EFCAB6: variants seen among roughly 807,000 people sequenced by gnomAD.
EFCAB6 encodes EF-hand calcium binding domain 6.
Under a neutral mutation model 169.8 loss-of-function variants are expected in EFCAB6, and 156 were observed. That is an observed-to-expected ratio of 0.92 (90% CI 0.81 to 1.05). The LOEUF (loss-of-function observed/expected upper bound fraction) is 1.05. Among genes scored for constraint, EFCAB6 ranks in the 50% least tolerant of loss-of-function variants. The probability of loss-of-function intolerance (pLI) is 0.00; values close to 1 mark genes in which losing one functional copy is unlikely to be tolerated. For synonymous variants in EFCAB6, 698 were observed against 676.4 expected, an observed-to-expected ratio of 1.03 and a Z score of -0.50; for missense variants, 1,800 against 1,829.1, an observed-to-expected ratio of 0.98 and a Z score of 0.29.
intron 17 of EFCAB6, among the ~76,000 whole-genome samples, chr22:43,640,027 A>G (rs2055690852): frequency 6.6e-6 from 1 of 152,138 alleles, no homozygotes; most frequent in Admixed American, 6.5e-5. Context: ...GAGATTTCAT[A>G]TATTTTCATT....
rs75368416 is a variant in EFCAB6 at position 43,769,627 on chromosome 22, T to C, written c.351+3265A>G. Reference sequence around the variant, plus strand: ...TTTTTTTAAGGGAAGAGAAAAGTTCTGTCTTCCTCCTCCTTTTCTATCTTT... The same window carrying C: ...TTTTTTTAAGGGAAGAGAAAAGTTCCGTCTTCCTCCTCCTTTTCTATCTTT... On this transcript the variant is annotated intron_variant, in intron 4 of 31. Coordinates refer to ENST00000262726, the MANE Select transcript of EFCAB6 (RefSeq NM_022785.4). Among the ~76,000 whole-genome samples, 397 of 152,316 alleles carry C rather than the reference T, an allele frequency of 2.6e-3. 2 individuals are homozygous for C. The highest frequency in any genetic ancestry group is 4.9e-3 in the Non-Finnish European group (332 of 68,024).
At chr22:43,638,469 C>T (rs12628972) in intron 17 of EFCAB6, among the ~76,000 whole-genome samples, 12,674 of 152,242 alleles carry the variant, frequency 0.083, 651 homozygotes, top group South Asian at 0.17. Flanking sequence ...GACTCTTCCC[C>T]AGGAGGTCAC....
intron 26 of EFCAB6, among the ~76,000 whole-genome samples, chr22:43,564,548 G>A (rs975309613): frequency 2.6e-5 from 4 of 152,168 alleles, no homozygotes; most frequent in East Asian, 1.9e-4. Flanking sequence ...CCTGTGTGGC[G>A]GGGAAAGCTC....
At chr22:43,665,552 C>A (rs183113872) in intron 17 of EFCAB6, among the ~76,000 whole-genome samples, 1 of 152,168 alleles carries the variant, frequency 6.6e-6, no homozygotes, top group African/African-American at 2.4e-5. Context: ...GACAAGGACC[C>A]GTGCCACGTA....
chr22:43,626,338 A>G lies in EFCAB6; in HGVS notation c.2465+109T>C, dbSNP rs1031300406. 3.6e-6 allele frequency: 4 copies of G among 1,105,076 alleles called. No homozygotes were observed. In the East Asian group the frequency reaches 7.7e-5, roughly 21 times the overall value. 68.5% of individuals were successfully genotyped at this position (1,105,076 alleles called of 1,614,324 possible). ...TTTCTGAACCAAGAAAAAGAAAAAA[A>G]TAATCACTCCATTCTTTGTATCCCT... On this transcript the variant is annotated intron_variant, in intron 20 of 31. Coordinates refer to ENST00000262726, the MANE Select transcript of EFCAB6 (RefSeq NM_022785.4).
chr22:43,652,721 A>G (rs1400891683), intron 17 of EFCAB6, among the ~76,000 whole-genome samples: 2 of 152,116 alleles, frequency 1.3e-5, no homozygotes, highest in Non-Finnish European at 1.5e-5. Flanking sequence ...TCTACCTGGC[A>G]TTCTAAGAGA....
At chr22:43,772,641 CA>C (rs11285899) in intron 4 of EFCAB6, among the ~76,000 whole-genome samples, 101,990 of 120,206 alleles carry the variant, frequency 0.85, 42,498 homozygotes, top group East Asian at 0.97. Context: ...AATTCTGTCT[CA>C]AAAAAAAAAA....
At chr22:43,736,082 T>C (rs954141431) in intron 6 of EFCAB6, 89 bp from the exon 7 acceptor site, 1 of 1,264,980 alleles carries the variant, frequency 7.9e-7, no homozygotes. Flanking sequence ...TTTTTAATAC[T>C]TTTTATAAAA....
chr22:43,599,734 A>G (rs1201169885), intron 23 of EFCAB6, among the ~76,000 whole-genome samples: 1 of 152,142 alleles, frequency 6.6e-6, no homozygotes, highest in East Asian at 1.9e-4. Context: ...GTAAAGTGAC[A>G]GACATCCCTA....
intron 2 of EFCAB6, among the ~76,000 whole-genome samples, chr22:43,790,568 C>G (rs1055482965): frequency 6.6e-6 from 1 of 152,138 alleles, no homozygotes; most frequent in African/African-American, 2.4e-5. Context: ...GGGAACCATG[C>G]AGTTAGGAAG....
chr22:43,810,693 C>A (rs754802656), intron 1 of EFCAB6, among the ~76,000 whole-genome samples: 1 of 152,046 alleles, frequency 6.6e-6, no homozygotes. Flanking sequence ...CCCTGGAGAG[C>A]GAAATTTACA....
chr22:43,665,936 C>T (rs913013589), intron 17 of EFCAB6, among the ~76,000 whole-genome samples: 3 of 152,212 alleles, frequency 2.0e-5, no homozygotes, highest in Non-Finnish European at 2.9e-5. Context: ...TACAGGCGTG[C>T]GTGACCACAC....
chr22:43,622,319 C>G (rs751847530), intron 20 of EFCAB6, among the ~76,000 whole-genome samples: 6 of 152,184 alleles, frequency 3.9e-5, no homozygotes, highest in Non-Finnish European at 8.8e-5. Context: ...AATCCCAGCA[C>G]TTCAGGAGGC....
chr22:43,589,600 C>T (rs1477058911), intron 24 of EFCAB6, among the ~76,000 whole-genome samples: 3 of 152,084 alleles, frequency 2.0e-5, no homozygotes, highest in African/African-American at 7.2e-5. Flanking sequence ...CCAGCCTGGC[C>T]AACGTGGTGA....
rs77007505 is a variant in EFCAB6 at position 43,787,906 on chromosome 22, T to A, written c.-7-5581A>T. 6.3e-3 allele frequency among the ~76,000 whole-genome samples: 962 copies of A among 152,318 alleles called. 14 individuals carry two copies. Among genetic ancestry groups the A allele is most frequent in the African/African-American group, 0.022 (914 of 41,572 alleles). On this transcript the variant is annotated intron_variant, in intron 2 of 31. Coordinates refer to ENST00000262726, the MANE Select transcript of EFCAB6 (RefSeq NM_022785.4). The stretch of plus-strand genomic sequence containing the variant: ...TGTGGTTCTGGCATAAGTATGCACA[T>A]ATAGATCAATGGAATAGAATTGAGA...
chr22:43,599,663 T>C (rs1323822421), intron 23 of EFCAB6, among the ~76,000 whole-genome samples: 1 of 152,142 alleles, frequency 6.6e-6, no homozygotes, highest in Non-Finnish European at 1.5e-5. Context: ...GTCTGGTTCT[T>C]TCCTTTATTC....
At chr22:43,576,572 T>C (rs756777141) in intron 25 of EFCAB6, 84 bp from the exon 26 acceptor site, 15 of 1,164,150 alleles carry the variant, frequency 1.3e-5, no homozygotes, top group Non-Finnish European at 1.6e-5. Flanking sequence ...CTGTTTCTGC[T>C]GAATGCAAAT....
chr22:43,601,474 T>C (rs2052518922), intron 22 of EFCAB6, among the ~76,000 whole-genome samples: 1 of 152,242 alleles, frequency 6.6e-6, no homozygotes, highest in South Asian at 2.1e-4. Flanking sequence ...GTTGCCAGCA[T>C]AATTCTCCCA....
chr22:43,701,468 G>A (rs2058763099), intron 10 of EFCAB6, among the ~76,000 whole-genome samples: 1 of 152,046 alleles, frequency 6.6e-6, no homozygotes, highest in Non-Finnish European at 1.5e-5. Context: ...GCAGTTGGTT[G>A]GACCATTGTA....
Sources: gnomAD v4.1 joint callset for allele counts (sites outside exome capture counted in the v4.1 genomes callset) on GRCh38, gnomAD v4.1.1 for gene constraint, MANE v1.5 for transcripts, NCBI Gene and HGNC (gene_info 2026-07-23, HGNC 2026-07-21) for gene names.